CACNB2: variants seen among roughly 807,000 people sequenced by gnomAD.
The protein encoded by CACNB2 is calcium voltage-gated channel auxiliary subunit beta 2.
A neutral mutation model predicts 73.3 loss-of-function variants in CACNB2; 42 were observed. The observed-to-expected ratio is 0.57, with a 90% CI of 0.45 to 0.74. CACNB2 has a LOEUF of 0.74. Among genes scored for constraint, CACNB2 ranks in the 30% least tolerant of loss-of-function variants. CACNB2 has a pLI of 0.00. For missense variants in CACNB2, 940 were observed against 853.0 expected (o/e 1.10, Z -1.27); for synonymous variants, 348 against 310.3 (o/e 1.12, Z -1.28).
At chr10:18,152,095 C>T (rs1475952716) in intron 2 of CACNB2, among the ~76,000 whole-genome samples, 3 of 152,162 alleles carry the variant, frequency 2.0e-5, no homozygotes, top group East Asian at 3.9e-4. Flanking sequence ...ATGTTTCCTT[C>T]CCACAGTTAG....
At chr10:18,512,688 A>G (rs759274448) in intron 6 of CACNB2, among the ~76,000 whole-genome samples, 1 of 152,212 alleles carries the variant, frequency 6.6e-6, no homozygotes, top group Non-Finnish European at 1.5e-5. Flanking sequence ...AGGAGAAATA[A>G]GTGTGTTTAT....
rs1589702639 is a variant in CACNB2, at chr10:18,527,833, T to C, written c.1054+136T>C. 7.1e-6 allele frequency: 5 copies of C among 699,846 alleles called. No individual in the cohort carries two copies. In the East Asian group the frequency reaches 1.4e-4, roughly 19 times the overall value. 43.4% of individuals were successfully genotyped at this position (699,846 alleles called of 1,614,324 possible). A position where few individuals can be genotyped will look rare whatever the true frequency, so the allele number is the denominator to read the frequency against. ...GGTGTGTGCTGCCAGTCGCTGTTGCTATGGTCTTACTGATTTCATGGTGTG... is the reference window on the plus strand; with the variant it reads ...GGTGTGTGCTGCCAGTCGCTGTTGCCATGGTCTTACTGATTTCATGGTGTG... On this transcript the variant is annotated intron_variant, in intron 10 of 13. Coordinates refer to ENST00000324631, the MANE Select transcript of CACNB2 (RefSeq NM_201596.3).
At chr10:18,397,974 G>A (rs764733999) in intron 2 of CACNB2, among the ~76,000 whole-genome samples, 1 of 152,112 alleles carries the variant, frequency 6.6e-6, no homozygotes, top group Non-Finnish European at 1.5e-5. Flanking sequence ...GTGATGCACT[G>A]ACAAGGACAA....
intron 10 of CACNB2, chr10:18,533,026 CAG>C (rs771288754): frequency 6.6e-6 from 1 of 151,774 alleles, no homozygotes; most frequent in African/African-American, 2.4e-5. Context: ...GATTAGTGAC[CAG>C]AGAGTTACCT....
At chr10:18,414,645 C>T (rs931885261) in intron 3 of CACNB2, among the ~76,000 whole-genome samples, 2 of 152,042 alleles carry the variant, frequency 1.3e-5, no homozygotes, top group Admixed American at 1.3e-4. Flanking sequence ...CCACCACAGC[C>T]TGCTAATTTT....
intron 3 of CACNB2, among the ~76,000 whole-genome samples, chr10:18,442,970 G>GTA (rs1363855794): frequency 4.7e-4 from 10 of 21,356 alleles, no homozygotes; most frequent in South Asian, 1.7e-3. Context: ...ATATATATAT[G>GTA]TGTATATATA....
At chr10:18,367,964 G>A (rs1170264024) in intron 2 of CACNB2, among the ~76,000 whole-genome samples, 1 of 151,998 alleles carries the variant, frequency 6.6e-6, no homozygotes, top group Non-Finnish European at 1.5e-5. Flanking sequence ...ATATATTTTG[G>A]CCGTCTGGTC....
intron 2 of CACNB2, among the ~76,000 whole-genome samples, chr10:18,394,938 C>G (rs1050032196): frequency 1.3e-5 from 2 of 152,108 alleles, no homozygotes; most frequent in Non-Finnish European, 2.9e-5. Flanking sequence ...CCGGAGACAT[C>G]ATGTTTCCAG....
chr10:18,539,740 G>GTTTTTTT lies in CACNB2; in HGVS notation c.*29_*35dup, dbSNP rs34022725. ...CCGCCAATGAGTTTTGCCCGTTTGT[G>GTTTTTTT]TTTTTTTTTTTTTTTTTTTGAAGTC... On this transcript the variant is annotated 3_prime_UTR_variant, in exon 14 of 14. Coordinates refer to ENST00000324631, the MANE Select transcript of CACNB2 (RefSeq NM_201596.3). The GTTTTTTT allele has an allele frequency of 2.1e-6, 3 of 1,449,374 alleles. No homozygotes were observed. Among genetic ancestry groups the GTTTTTTT allele is most frequent in the African/African-American group, 1.6e-5 (1 of 64,204 alleles). 89.8% of individuals were successfully genotyped at this position (1,449,374 alleles called of 1,614,324 possible).
At chr10:18,366,541 G>C (rs1267547098) in intron 2 of CACNB2, among the ~76,000 whole-genome samples, 1 of 147,490 alleles carries the variant, frequency 6.8e-6, no homozygotes, top group Non-Finnish European at 1.5e-5. Flanking sequence ...AATTAATATA[G>C]TCCATCGAAG....
chr10:18,260,317 T>C (rs949358380), intron 2 of CACNB2: 1 of 460,572 alleles, frequency 2.2e-6, no homozygotes, highest in African/African-American at 2.1e-5. Flanking sequence ...GGCAGCCTTA[T>C]GTAGTTTATT....
chr10:18,491,102 T>G (rs1298097597), intron 3 of CACNB2, among the ~76,000 whole-genome samples: 1 of 152,214 alleles, frequency 6.6e-6, no homozygotes, highest in Admixed American at 6.6e-5. Flanking sequence ...CTTTTTGTTC[T>G]TGCTTCTTGG....
intron 2 of CACNB2, among the ~76,000 whole-genome samples, chr10:18,390,821 T>G (rs1028771898): frequency 3.3e-5 from 5 of 152,346 alleles, no homozygotes; most frequent in African/African-American, 1.2e-4. Flanking sequence ...GTAAGAAAAT[T>G]TGCAAGTGCA....
At chr10:18,429,602 G>A (rs1057480609) in intron 3 of CACNB2, among the ~76,000 whole-genome samples, 2 of 150,792 alleles carry the variant, frequency 1.3e-5, no homozygotes, top group African/African-American at 4.9e-5. Context: ...CAAGGCGGGG[G>A]TATCACTTGT....
At chr10:18,344,264 C>T (rs1456377604) in intron 2 of CACNB2, among the ~76,000 whole-genome samples, 2 of 151,994 alleles carry the variant, frequency 1.3e-5, no homozygotes, top group South Asian at 4.1e-4. Context: ...GAGGAGCCAT[C>T]CTGTTTGATT....
intron 3 of CACNB2, among the ~76,000 whole-genome samples, chr10:18,483,198 C>T (rs1259563757): frequency 6.6e-6 from 1 of 151,760 alleles, no homozygotes; most frequent in African/African-American, 2.4e-5. Flanking sequence ...TGGTTTGGGT[C>T]ATGGGGACAC....
chr10:18,436,558 T>C (rs984679715), intron 3 of CACNB2, among the ~76,000 whole-genome samples: 1 of 152,240 alleles, frequency 6.6e-6, no homozygotes, highest in Non-Finnish European at 1.5e-5. Context: ...GGATTACTTT[T>C]ATTTGACTTA....
chr10:18,404,632 TAATA>T (rs931260799), intron 3 of CACNB2, among the ~76,000 whole-genome samples: 1 of 152,184 alleles, frequency 6.6e-6, no homozygotes, highest in African/African-American at 2.4e-5. Flanking sequence ...AGATCACATG[TAATA>T]AATAAGTCTG....
chr10:18,379,790 G>A (rs920370881), intron 2 of CACNB2, among the ~76,000 whole-genome samples: 1 of 152,108 alleles, frequency 6.6e-6, no homozygotes, highest in East Asian at 1.9e-4. Flanking sequence ...AGTCTCAAAC[G>A]ATTATCCCAT....
Sources: gnomAD v4.1 joint callset for allele counts (sites outside exome capture counted in the v4.1 genomes callset) on GRCh38, gnomAD v4.1.1 for gene constraint, MANE v1.5 for transcripts, NCBI Gene and HGNC (gene_info 2026-07-23, HGNC 2026-07-21) for gene names.